CHRNA7: variants seen among roughly 807,000 people sequenced by gnomAD.
The protein encoded by CHRNA7 is neuronal acetylcholine receptor subunit alpha-7.
Under a neutral mutation model 48.0 loss-of-function variants are expected in CHRNA7, and 17 were observed. That is an observed-to-expected ratio of 0.35 (90% CI 0.24 to 0.53). The LOEUF is 0.53. CHRNA7 is among the 20% of genes least tolerant of loss of function. CHRNA7 has a pLI of 0.92. For synonymous variants in CHRNA7, 75 were observed against 242.3 expected (o/e 0.31, Z 6.41); for missense variants, 155 against 577.7 (o/e 0.27, Z 7.50).
chr15:32,163,574 T>A, intron 9 of CHRNA7: 1 of 150,460 alleles, frequency 6.6e-6, no homozygotes, highest in Non-Finnish European at 1.3e-5. Flanking sequence ...CTCAGCCTCC[T>A]AAGTAGCTGG....
At position 32,138,604 on chromosome 15, in the gene CHRNA7, G is replaced by A. The variant is rs74412074; in HGVS notation, c.351-15303G>A. ...CGTATGGGTTCTGTGGGTTTGCACA[G>A]ATGTATAATGACCTGTATCGACCAT... On this transcript the variant is annotated intron_variant, in intron 4 of 9. Coordinates refer to ENST00000306901, the MANE Select transcript of CHRNA7 (RefSeq NM_000746.6). 3.0e-3 allele frequency among the ~76,000 whole-genome samples: 454 copies of A among 152,098 alleles called. 1 individual carries two copies. Among genetic ancestry groups the A allele is most frequent in the African/African-American group, 0.01 (425 of 41,480 alleles).
In CHRNA7 at chr15:32,149,170, A is replaced by G. The variant is rs2141354274; in HGVS notation, c.351-4737A>G. Reference sequence around the variant, plus strand: ...AAACTGTGGATGTACTGTGTCTTCCAGTAGTCAAAATAAAGAATATATTTG... The same window carrying G: ...AAACTGTGGATGTACTGTGTCTTCCGGTAGTCAAAATAAAGAATATATTTG... On this transcript the variant is annotated intron_variant, in intron 4 of 9. Coordinates refer to ENST00000306901, the MANE Select transcript of CHRNA7 (RefSeq NM_000746.6). The surrounding 1 kb of genome is among the most constrained non-coding windows in gnomAD (Gnocchi z 4.6). 6.6e-6 allele frequency among the ~76,000 whole-genome samples: 1 copy of G among 152,368 alleles called. No individual in the cohort carries two copies. The highest frequency in any genetic ancestry group is 2.4e-5 in the African/African-American group (1 of 41,596).
intron 4 of CHRNA7, among the ~76,000 whole-genome samples, chr15:32,132,387 T>C (rs1468094128): frequency 7.9e-5 from 12 of 152,218 alleles, no homozygotes. Flanking sequence ...CCCTTCTGCC[T>C]TCTTCTCTGA....
intron 2 of CHRNA7, among the ~76,000 whole-genome samples, chr15:32,063,375 A>G (rs1275270653): frequency 6.6e-6 from 1 of 152,218 alleles, no homozygotes; most frequent in Non-Finnish European, 1.5e-5. Flanking sequence ...ATTATGTGAC[A>G]CATAATTGTC....
At chr15:32,143,697 T>C (rs1411112917) in intron 4 of CHRNA7, among the ~76,000 whole-genome samples, 2 of 152,240 alleles carry the variant, frequency 1.3e-5, no homozygotes, top group East Asian at 3.8e-4. Flanking sequence ...CTTTTTATCT[T>C]TGTTGGTTGA....
chr15:32,131,772 T>C (rs1042677889), intron 4 of CHRNA7, among the ~76,000 whole-genome samples: 20 of 152,216 alleles, frequency 1.3e-4, no homozygotes, highest in African/African-American at 4.6e-4. Flanking sequence ...TTGGGTATTA[T>C]TGTTTGAGAC....
In CHRNA7 at chr15:32,101,298, T is replaced by TTTTTTA; in HGVS notation, c.196-5_196-4insTTTTTA. On this transcript the variant is annotated splice_region_variant and splice_polypyrimidine_tract_variant and intron_variant, in intron 2 of 9. Coordinates refer to ENST00000306901, the MANE Select transcript of CHRNA7 (RefSeq NM_000746.6). The stretch of plus-strand genomic sequence containing the variant: ...TATGCTGCTGCTTTTTTTTTTTTTT[T>TTTTTTA]GAAGGATGAGAAGAACCAAGTTTTA... 6.3e-7 allele frequency: 1 copy of TTTTTTA among 1,588,414 alleles called. No individual in the cohort carries two copies. The highest frequency in any genetic ancestry group is 8.5e-7 in the Non-Finnish European group (1 of 1,172,628).
At chr15:32,117,073 G>C (rs1191138509) in intron 4 of CHRNA7, among the ~76,000 whole-genome samples, 1 of 152,192 alleles carries the variant, frequency 6.6e-6, no homozygotes. Context: ...CCAGGACAAG[G>C]ATTCCTGAGC....
chr15:32,109,312 C>G (rs1008405302), intron 3 of CHRNA7, among the ~76,000 whole-genome samples: 1 of 152,116 alleles, frequency 6.6e-6, no homozygotes, highest in Non-Finnish European at 1.5e-5. Flanking sequence ...AGAGGTCACT[C>G]TCGTGGCCAT....
At chr15:32,134,064 G>A (rs1416098226) in intron 4 of CHRNA7, among the ~76,000 whole-genome samples, 1 of 152,122 alleles carries the variant, frequency 6.6e-6, no homozygotes, top group Non-Finnish European at 1.5e-5. Context: ...AATGCTGTGA[G>A]AGGGCAGCCA....
intron 4 of CHRNA7, among the ~76,000 whole-genome samples, chr15:32,123,318 T>G (rs2051006111): frequency 6.6e-6 from 1 of 152,134 alleles, no homozygotes. Flanking sequence ...CAAGTAAATA[T>G]GTATGTTAAA....
chr15:32,107,806 C>T (rs189494108), intron 3 of CHRNA7, among the ~76,000 whole-genome samples: 5 of 152,196 alleles, frequency 3.3e-5, no homozygotes, highest in Admixed American at 1.3e-4. Context: ...GTGCAATGGG[C>T]AGAAAGCTCT....
chr15:32,143,200 C>T (rs1029656662), intron 4 of CHRNA7, among the ~76,000 whole-genome samples: 3 of 152,084 alleles, frequency 2.0e-5, no homozygotes, highest in Non-Finnish European at 4.4e-5. Context: ...TTCAGGAGCC[C>T]GTTGTTCAGT....
chr15:32,121,871 A>G (rs1410174609), intron 4 of CHRNA7, among the ~76,000 whole-genome samples: 1 of 152,198 alleles, frequency 6.6e-6, no homozygotes, highest in Non-Finnish European at 1.5e-5. Context: ...TTGGAATGAA[A>G]GGGAGAGGGA....
chr15:32,121,585 C>A (rs1566855006), intron 4 of CHRNA7, among the ~76,000 whole-genome samples: 1 of 152,134 alleles, frequency 6.6e-6, no homozygotes. Context: ...GACATAACAT[C>A]TTAGAAAGAT....
chr15:32,041,181 G>A (rs185333062), intron 2 of CHRNA7, among the ~76,000 whole-genome samples: 1 of 152,188 alleles, frequency 6.6e-6, no homozygotes, highest in East Asian at 1.9e-4. Flanking sequence ...GAGATTCCTG[G>A]ATGTGTGGTT....
intron 4 of CHRNA7, among the ~76,000 whole-genome samples, chr15:32,147,561 T>G (rs757829787): frequency 6.6e-6 from 1 of 152,014 alleles, no homozygotes; most frequent in Non-Finnish European, 1.5e-5. Context: ...TCAAAATAAA[T>G]AAATAAACAA....
At chr15:32,041,253 C>T (rs1375635979) in intron 2 of CHRNA7, among the ~76,000 whole-genome samples, 8 of 152,146 alleles carry the variant, frequency 5.3e-5, no homozygotes, top group African/African-American at 1.9e-4. Flanking sequence ...CTGTTCCTTT[C>T]TCTACTTCAA....
intron 2 of CHRNA7, among the ~76,000 whole-genome samples, chr15:32,067,002 A>G (rs2141212414): frequency 6.6e-6 from 1 of 152,298 alleles, no homozygotes. Flanking sequence ...GAGAAAAAAA[A>G]TGGGGAAAAA....
Sources: allele counts gnomAD v4.1 joint callset (sites outside exome capture counted in the v4.1 genomes callset), GRCh38; gene constraint gnomAD v4.1.1; non-coding constraint Gnocchi (gnomAD v3.1); transcripts MANE v1.5; gene names NCBI Gene and HGNC (gene_info 2026-07-23, HGNC 2026-07-21).